The following PTCD2 variants were observed in gnomAD, a reference collection of about 807,000 sequenced individuals.
PTCD2 encodes pentatricopeptide repeat-containing protein 2, mitochondrial.
Under a neutral mutation model 42.6 loss-of-function variants are expected in PTCD2, and 31 were observed. The ratio of observed to expected loss-of-function variants is 0.73; its 90% CI spans 0.55 to 0.98. PTCD2 has a LOEUF of 0.98. Ranked by LOEUF, PTCD2 falls within the 50% of genes least tolerant of loss-of-function variation. The pLI is 0.00. For synonymous variants in PTCD2, 183 were observed against 170.9 expected, an observed-to-expected ratio of 1.07 and a Z score of -0.55; for missense variants, 476 against 454.8, an observed-to-expected ratio of 1.05 and a Z score of -0.42.
chr5:72,337,856 C>CA (rs1210234124), intron 6 of PTCD2, among the ~76,000 whole-genome samples: 1 of 152,108 alleles, frequency 6.6e-6, no homozygotes, highest in East Asian at 1.9e-4. Flanking sequence ...TCCCCTGTGT[C>CA]ATGTCCAAGA....
intron 6 of PTCD2, among the ~76,000 whole-genome samples, chr5:72,336,514 C>G (rs1157904402): frequency 1.3e-5 from 2 of 151,978 alleles, no homozygotes; most frequent in Non-Finnish European, 2.9e-5. Flanking sequence ...AAATGAAGTC[C>G]AAGGACAGAG....
At chr5:72,345,751 TGC>T (rs1204691315) in intron 8 of PTCD2, among the ~76,000 whole-genome samples, 2 of 152,234 alleles carry the variant, frequency 1.3e-5, no homozygotes, top group East Asian at 3.8e-4. Flanking sequence ...AAATAAATTA[TGC>T]ATATAAAATA....
In PTCD2 at chr5:72,354,974, A is replaced by T. The variant is rs73761770; in HGVS notation, c.942+2220A>T. Among the ~76,000 whole-genome samples, 1,368 of 152,352 alleles carry T rather than the reference A, an allele frequency of 9.0e-3. 32 individuals are homozygous for T. The highest frequency in any genetic ancestry group is 0.032 in the African/African-American group (1,312 of 41,566). ...TATGTTTTTAAGTGACAAAAGTAAG[A>T]TGCAAATGGGTATGTGTAGTATGCC... On this transcript the variant is annotated intron_variant, in intron 9 of 9. Transcript: ENST00000380639.
At chr5:72,322,896 G>A (rs1357525413) in intron 2 of PTCD2, among the ~76,000 whole-genome samples, 1 of 152,228 alleles carries the variant, frequency 6.6e-6, no homozygotes, top group Non-Finnish European at 1.5e-5. Context: ...GCTCATGCCT[G>A]TAACTCCAGC....
intron 8 of PTCD2, among the ~76,000 whole-genome samples, chr5:72,351,795 A>C (rs1752635890): frequency 6.6e-6 from 1 of 152,146 alleles, no homozygotes; most frequent in African/African-American, 2.4e-5. Flanking sequence ...GGAGATTATC[A>C]TTCGAGATGA....
In PTCD2 at chr5:72,366,388, G is replaced by C. The variant is rs1215097201; in HGVS notation, c.*7961G>C. On this transcript the variant is annotated 3_prime_UTR_variant, in exon 10 of 10. Coordinates refer to ENST00000380639, the MANE Select transcript of PTCD2 (RefSeq NM_024754.5). ...GCCTGTGGATATAACACTAGAGAGC[G>C]GGAGAGCACAGTATTTGAACCCAGG... 1 of 152,144 alleles carries C rather than the reference G, an allele frequency of 6.6e-6. No homozygotes were observed. The highest frequency in any genetic ancestry group is 6.5e-5 in the Admixed American group (1 of 15,276). 9.4% of individuals were successfully genotyped at this position (152,144 alleles called of 1,614,324 possible). A position where few individuals can be genotyped will look rare whatever the true frequency, so the allele number is the denominator to read the frequency against.
chr5:72,332,306 A>G (rs1751479596), intron 4 of PTCD2, among the ~76,000 whole-genome samples: 1 of 152,176 alleles, frequency 6.6e-6, no homozygotes. Flanking sequence ...AAAGATACCC[A>G]TAATATATTA....
intron 8 of PTCD2, among the ~76,000 whole-genome samples, chr5:72,346,702 C>T (rs775825463): frequency 2.6e-5 from 4 of 152,186 alleles, no homozygotes; most frequent in Non-Finnish European, 5.9e-5. Flanking sequence ...TATCTGCTTC[C>T]TACTGGATAT....
intron 6 of PTCD2, among the ~76,000 whole-genome samples, chr5:72,338,100 T>C (rs1751853103): frequency 1.3e-5 from 2 of 152,376 alleles, no homozygotes; most frequent in South Asian, 4.1e-4. Flanking sequence ...CTGCTGTTTT[T>C]ATATCACTGA....
In PTCD2 at chr5:72,367,424, T is replaced by C. The variant is rs1013122313; in HGVS notation, c.*8997T>C. On this transcript the variant is annotated 3_prime_UTR_variant, in exon 10 of 10. Coordinates refer to ENST00000380639, the MANE Select transcript of PTCD2 (RefSeq NM_024754.5). ...CACCCAAAGTACCTAGAGGAGACCC[T>C]AGTGCAACTGTGCATTGTACAACAA... The C allele has an allele frequency of 2.6e-5, 4 of 152,198 alleles. No homozygotes were observed. Among genetic ancestry groups the C allele is most frequent in the Non-Finnish European group, 4.4e-5 (3 of 68,052 alleles). The allele number at this position is 152,198 out of a possible 1,614,324, so 9.4% of individuals were successfully genotyped here.
At chr5:72,352,613 GT>G in intron 8 of PTCD2, 27 bp from the exon 9 acceptor site, 1 of 1,177,394 alleles carries the variant, frequency 8.5e-7, no homozygotes, top group Non-Finnish European at 1.3e-6. Flanking sequence ...CTCAGTCTTG[GT>G]TTTGCTTGTG....
rs770751375 is a variant in PTCD2 at position 72,322,224 on chromosome 5, A to G, written c.180A>G (p.Gln60=). The G allele has an allele frequency of 5.6e-6, 9 of 1,603,842 alleles. No homozygotes were observed. The South Asian group carries it at 9.9e-5, about 18-fold the overall frequency. The stretch of plus-strand genomic sequence containing the variant: ...TGGTGAAATTAAAAGAATTTCAACA[A>G]AAGAAAGTGGCTGTTGCATGTAATC... ...DNVVKLKEFQ[Q]KKVAVACNLS... Residue 60 remains glutamine (Q), a synonymous_variant, in exon 2 of 10, where the codon CAA becomes CAG. Transcript: ENST00000380639.
Position 72,362,831 on chromosome 5 carries a change from TC to T in PTCD2, c.*4405del, listed in dbSNP as rs1169089246. The T allele has an allele frequency of 1.3e-5, 2 of 152,174 alleles. No homozygotes were observed. Among genetic ancestry groups the T allele is most frequent in the African/African-American group, 4.8e-5 (2 of 41,444 alleles). The allele number at this position is 152,174 out of a possible 1,614,324, so 9.4% of individuals were successfully genotyped here. On this transcript the variant is annotated 3_prime_UTR_variant, in exon 10 of 10. Transcript: ENST00000380639. ...AGCCTGCCATGTTGACTCCCAGGGA[TC>T]TTTTTGTTTCTGTAGGAGGTGCTCA...
At chr5:72,329,413 G>C (rs1449527386) in intron 3 of PTCD2, among the ~76,000 whole-genome samples, 1 of 152,184 alleles carries the variant, frequency 6.6e-6, no homozygotes, top group East Asian at 1.9e-4. Context: ...ACCAAATGCT[G>C]TTTGGTTTAT....
Position 72,335,097 on chromosome 5 carries a change from G to A in PTCD2, c.547+1G>A, listed in dbSNP as rs1322823439. 2 of 1,487,438 alleles carry A rather than the reference G, an allele frequency of 1.3e-6. No homozygotes were observed. The highest frequency in any genetic ancestry group is 9.4e-7 in the Non-Finnish European group (1 of 1,066,152). 92.1% of individuals were successfully genotyped at this position (1,487,438 alleles called of 1,614,324 possible). On this transcript the variant is annotated splice_donor_variant, in intron 5 of 9. Coordinates refer to ENST00000380639, the MANE Select transcript of PTCD2 (RefSeq NM_024754.5). LOFTEE classifies it high-confidence loss of function. ...TTATTTATCAAAGGCAAATATAAAA[G>A]TAAGTACTGCAATTTCTATTTGCTG...
Position 72,331,324 on chromosome 5 carries a change from G to T in PTCD2, c.417G>T (p.Leu139Phe). The T allele has an allele frequency of 6.2e-7, 1 of 1,614,138 alleles. No homozygotes were observed. Among genetic ancestry groups the T allele is most frequent in the Non-Finnish European group, 8.5e-7 (1 of 1,179,968 alleles). The change falls in exon 4 of 10, where the codon TTG becomes TTT. Residue 139 changes from leucine to phenylalanine, a missense_variant. By Grantham distance (22) the Leu-to-Phe change is conservative. Coordinates refer to ENST00000380639, the MANE Select transcript of PTCD2 (RefSeq NM_024754.5). ...EYKFGPLFVR[L>F]CYELDLEESA... ...AATTTGGACCGCTTTTTGTGAGGTT[G>T]TGTTACGAGTTGGATCTCGAGGAAT...
At chr5:72,330,782 G>C (rs73761763) in intron 3 of PTCD2, among the ~76,000 whole-genome samples, 9,485 of 152,220 alleles carry the variant, frequency 0.062, 548 homozygotes, top group African/African-American at 0.15. Flanking sequence ...AAAGCAGAGA[G>C]TTGCTGTAAA....
chr5:72,331,311 T>G lies in PTCD2; in HGVS notation c.404T>G (p.Leu135Arg). The G allele has an allele frequency of 6.2e-7, 1 of 1,614,062 alleles. No homozygotes were observed. ...TTGGGGGAGTATAAATTTGGACCGC[T>G]TTTTGTGAGGTTGTGTTACGAGTTG... Reference protein sequence around the residue: ...FTLGEYKFGPLFVRLCYELDL... With the variant: ...FTLGEYKFGPRFVRLCYELDL... The change falls in exon 4 of 10, where the codon CTT becomes CGT. Residue 135 changes from leucine to arginine, a missense_variant. Coordinates refer to ENST00000380639, the MANE Select transcript of PTCD2 (RefSeq NM_024754.5).
At chr5:72,334,850 AC>A (rs1301091602) in intron 4 of PTCD2, among the ~76,000 whole-genome samples, 167 bp from the exon 5 acceptor site, 1 of 152,110 alleles carries the variant, frequency 6.6e-6, no homozygotes. Context: ...CGCCCGGCCA[AC>A]TTTTCAAAAA....
Sources: allele counts gnomAD v4.1 joint callset (sites outside exome capture counted in the v4.1 genomes callset), GRCh38; gene constraint gnomAD v4.1.1; transcripts MANE v1.5; gene names NCBI Gene and HGNC (gene_info 2026-07-23, HGNC 2026-07-21).